The following AUTS2 variants were observed in gnomAD, a reference collection of about 807,000 sequenced individuals.
AUTS2 encodes autism susceptibility gene 2 protein.
In AUTS2, 17 loss-of-function variants were observed where a neutral mutation model predicts 112.4. The ratio of observed to expected loss-of-function variants is 0.15; its 90% CI spans 0.10 to 0.23. AUTS2 has a LOEUF of 0.23. Among genes scored for constraint, AUTS2 ranks in the 10% least tolerant of loss-of-function variants. The pLI is 1.00. For synonymous variants in AUTS2, 751 were observed against 702.7 expected (o/e 1.07, Z -1.09); for missense variants, 1,510 against 1,701.6 (o/e 0.89, Z 1.98).
chr7:70,313,711 G>T (rs1440360514), intron 4 of AUTS2, among the ~76,000 whole-genome samples: 1 of 152,168 alleles, frequency 6.6e-6, no homozygotes, highest in Non-Finnish European at 1.5e-5. Context: ...TCCTACTGTT[G>T]GATGTAACAG....
chr7:70,094,779 G>A (rs563912379), intron 2 of AUTS2, among the ~76,000 whole-genome samples: 40 of 152,280 alleles, frequency 2.6e-4, no homozygotes, highest in Non-Finnish European at 5.0e-4. Context: ...GTGAGTTCAA[G>A]TTGCTTTTTT....
chr7:70,790,928 A>T lies in AUTS2; in HGVS notation c.3712A>T (p.Thr1238Ser). 6.4e-7 allele frequency: 1 copy of T among 1,557,586 alleles called. No individual in the cohort carries two copies. Reference sequence around the variant, plus strand: ...CCGCCCGGTCTCTCCCAGAAGGACGACTCCTCTGTCCGCAGAGATAAGGGA... The same window carrying T: ...CCGCCCGGTCTCTCCCAGAAGGACGTCTCCTCTGTCCGCAGAGATAAGGGA... ...GGRPVSPRRT[T>S]PLSAEIRERP... The change falls in exon 19 of 19, where the codon ACT becomes TCT. Residue 1238 changes from threonine to serine, a missense_variant. Thr to Ser is a moderately conservative substitution (Grantham distance 58). Transcript: ENST00000342771. The surrounding 1 kb of genome is among the most constrained non-coding windows in gnomAD (Gnocchi z 7.6).
intron 6 of AUTS2, among the ~76,000 whole-genome samples, chr7:70,718,924 C>T (rs974693005): frequency 2.6e-5 from 4 of 152,084 alleles, no homozygotes; most frequent in Admixed American, 6.5e-5. Context: ...GACAACAGGC[C>T]TCACCCTGGA....
At chr7:70,332,830 C>G (rs1219241454) in intron 4 of AUTS2, among the ~76,000 whole-genome samples, 6 of 152,158 alleles carry the variant, frequency 3.9e-5, no homozygotes, top group Non-Finnish European at 8.8e-5. Context: ...GGATTAAAGA[C>G]TTAAACATAA....
At chr7:69,721,295 C>T (rs1406557429) in intron 1 of AUTS2, among the ~76,000 whole-genome samples, 1 of 152,202 alleles carries the variant, frequency 6.6e-6, no homozygotes, top group Non-Finnish European at 1.5e-5. Context: ...TACCCTCAAG[C>T]CTCCCTCCTT....
At chr7:70,754,431 G>C (rs999791720) in intron 6 of AUTS2, among the ~76,000 whole-genome samples, 1 of 152,188 alleles carries the variant, frequency 6.6e-6, no homozygotes, top group Non-Finnish European at 1.5e-5. Context: ...CAAGGCTGCA[G>C]TCTGCTGTGA....
intron 4 of AUTS2, among the ~76,000 whole-genome samples, chr7:70,235,500 G>A (rs969361793): frequency 6.6e-6 from 1 of 152,086 alleles, no homozygotes; most frequent in African/African-American, 2.4e-5. Flanking sequence ...GGGGCTTATA[G>A]GCTGCAACAC....
rs1796578318 is a variant in AUTS2, at chr7:70,452,558, T to TA, written c.690+16778dup. Among the ~76,000 whole-genome samples the TA allele has an allele frequency of 3.3e-5, 5 of 152,114 alleles. No individual in the cohort carries two copies. In the South Asian group the frequency reaches 1.0e-3, roughly 32 times the overall value. On this transcript the variant is annotated intron_variant, in intron 5 of 18. Transcript: ENST00000342771. ...GCTGGTCCCCCACCATTGACCGACT[T>TA]ACCCTGCAAAAAACCATAACACACA...
At chr7:70,620,469 G>A (rs908360930) in intron 5 of AUTS2, among the ~76,000 whole-genome samples, 4 of 152,092 alleles carry the variant, frequency 2.6e-5, no homozygotes, top group Non-Finnish European at 4.4e-5. Flanking sequence ...GTCACACCAC[G>A]CTCATCACTG....
chr7:69,996,435 G>C (rs1342181458), intron 2 of AUTS2, among the ~76,000 whole-genome samples: 2 of 152,172 alleles, frequency 1.3e-5, no homozygotes, highest in Non-Finnish European at 2.9e-5. Context: ...CCTGTTGGGA[G>C]CATTGATTGA....
chr7:70,726,573 A>G (rs1014721200), intron 6 of AUTS2, among the ~76,000 whole-genome samples: 25 of 152,218 alleles, frequency 1.6e-4, no homozygotes, highest in African/African-American at 5.8e-4. Context: ...AAACTCAACA[A>G]TGAGTAAAAA....
chr7:69,857,616 C>T (rs997295671), intron 1 of AUTS2, among the ~76,000 whole-genome samples: 1 of 152,066 alleles, frequency 6.6e-6, no homozygotes, highest in Non-Finnish European at 1.5e-5. Flanking sequence ...ATTTATTATA[C>T]AGAAGTTTAC....
At chr7:70,067,367 T>C (rs567977814) in intron 2 of AUTS2, among the ~76,000 whole-genome samples, 4 of 152,318 alleles carry the variant, frequency 2.6e-5, no homozygotes, top group Non-Finnish European at 5.9e-5. Context: ...ACTTTTCACT[T>C]AGGAAATTAA....
chr7:69,988,326 C>T (rs867594494), intron 2 of AUTS2, among the ~76,000 whole-genome samples: 1 of 152,146 alleles, frequency 6.6e-6, no homozygotes, highest in South Asian at 2.1e-4. Flanking sequence ...GTGTGTGTGT[C>T]AGCTAAGATT....
At chr7:70,083,047 G>A (rs1000557250) in intron 2 of AUTS2, among the ~76,000 whole-genome samples, 1 of 151,950 alleles carries the variant, frequency 6.6e-6, no homozygotes, top group East Asian at 1.9e-4. Flanking sequence ...TCATAAACTC[G>A]CTTACTTCTG....
At chr7:69,630,202 A>G (rs921708397) in intron 1 of AUTS2, among the ~76,000 whole-genome samples, 4 of 152,196 alleles carry the variant, frequency 2.6e-5, no homozygotes, top group African/African-American at 9.7e-5. Flanking sequence ...GGTTGCAGTG[A>G]GCCGAGATCG....
chr7:69,894,097 C>T (rs1156295229), intron 1 of AUTS2, among the ~76,000 whole-genome samples: 2 of 152,104 alleles, frequency 1.3e-5, no homozygotes, highest in Non-Finnish European at 2.9e-5. Context: ...AACCTATTCA[C>T]ATCTGTTGTG....
chr7:70,696,201 T>C (rs1297213437), intron 5 of AUTS2, among the ~76,000 whole-genome samples: 1 of 152,202 alleles, frequency 6.6e-6, no homozygotes, highest in Non-Finnish European at 1.5e-5. Flanking sequence ...CAAAGGGTAC[T>C]CGTGTCGTTT....
chr7:70,725,435 A>G (rs1365334755), intron 6 of AUTS2, among the ~76,000 whole-genome samples: 3 of 152,214 alleles, frequency 2.0e-5, no homozygotes, highest in Non-Finnish European at 4.4e-5. Flanking sequence ...GTTGAGGAGA[A>G]TTATGTTGTA....
Sources: allele counts gnomAD v4.1 joint callset (sites outside exome capture counted in the v4.1 genomes callset), GRCh38; gene constraint gnomAD v4.1.1; non-coding constraint Gnocchi (gnomAD v3.1); transcripts MANE v1.5; gene names NCBI Gene and HGNC (gene_info 2026-07-23, HGNC 2026-07-21).